ARL15: variants seen among roughly 807,000 people sequenced by gnomAD.
The protein encoded by ARL15 is ADP-ribosylation factor-like protein 15.
A neutral mutation model predicts 25.2 loss-of-function variants in ARL15; 19 were observed. That is an observed-to-expected ratio of 0.75 (90% confidence interval 0.53 to 1.10). The LOEUF (loss-of-function observed/expected upper bound fraction) is 1.10, where lower values mean the gene tolerates loss of function less well. Among genes scored for constraint, ARL15 ranks in the 50% least tolerant of loss-of-function variants. The pLI is 0.00. For synonymous variants in ARL15, 94 were observed against 86.8 expected, an observed-to-expected ratio of 1.08 and a Z score of -0.46; for missense variants, 220 against 246.0, an observed-to-expected ratio of 0.89 and a Z score of 0.71.
At chr5:53,937,294 T>TACACACACACACACAC (rs10647066) in intron 4 of ARL15, among the ~76,000 whole-genome samples, 1 of 149,560 alleles carries the variant, frequency 6.7e-6, no homozygotes, top group Non-Finnish European at 1.5e-5. Context: ...CGCCTGCGCA[T>TACACACACACACACAC]ACACACACAC....
intron 3 of ARL15, among the ~76,000 whole-genome samples, chr5:54,149,262 A>G (rs1307054710): frequency 6.6e-6 from 1 of 152,212 alleles, no homozygotes; most frequent in Admixed American, 6.5e-5. Flanking sequence ...ATCATTTGAT[A>G]TTAACGCACG....
At chr5:54,250,336 A>T (rs1033938155) in intron 1 of ARL15, among the ~76,000 whole-genome samples, 1 of 152,154 alleles carries the variant, frequency 6.6e-6, no homozygotes, top group African/African-American at 2.4e-5. Context: ...TCAACATGAG[A>T]CTTGGGGGGA....
chr5:53,904,738 C>CTT (rs35684823), intron 4 of ARL15, among the ~76,000 whole-genome samples: 4,458 of 126,106 alleles, frequency 0.035, 306 homozygotes, highest in African/African-American at 0.1. Flanking sequence ...TTTTTAGTTC[C>CTT]TTTTTTTTTT....
chr5:54,017,527 C>T (rs1032424964), intron 4 of ARL15, among the ~76,000 whole-genome samples: 1 of 150,958 alleles, frequency 6.6e-6, no homozygotes, highest in African/African-American at 2.4e-5. Flanking sequence ...GACATTCCCA[C>T]ACCACCCAGA....
At chr5:53,964,419 G>A (rs1159283886) in intron 4 of ARL15, among the ~76,000 whole-genome samples, 1 of 152,002 alleles carries the variant, frequency 6.6e-6, no homozygotes, top group African/African-American at 2.4e-5. Context: ...GAGTGCAGTG[G>A]CGTGATCTCG....
chr5:54,091,633 G>A (rs1312483735), intron 4 of ARL15, among the ~76,000 whole-genome samples: 1 of 152,138 alleles, frequency 6.6e-6, no homozygotes, highest in African/African-American at 2.4e-5. Context: ...GAAGCTAACT[G>A]TTCCCCAGGT....
intron 4 of ARL15, among the ~76,000 whole-genome samples, chr5:54,059,111 T>A (rs949137476): frequency 7.2e-5 from 11 of 152,170 alleles, no homozygotes; most frequent in African/African-American, 2.4e-4. Context: ...ATATAAACCC[T>A]CCTATTTTTC....
At chr5:54,291,235 T>C (rs562135621) in intron 1 of ARL15, among the ~76,000 whole-genome samples, 2 of 152,330 alleles carry the variant, frequency 1.3e-5, no homozygotes, top group South Asian at 4.1e-4. Context: ...CTTCAATAAG[T>C]GGTCCTCAGA....
At chr5:53,996,270 C>T (rs1039495293) in intron 4 of ARL15, among the ~76,000 whole-genome samples, 12 of 152,138 alleles carry the variant, frequency 7.9e-5, no homozygotes, top group Non-Finnish European at 8.8e-5. Flanking sequence ...CTCTGGTTGA[C>T]GAAATGCGAG....
intron 1 of ARL15, among the ~76,000 whole-genome samples, chr5:54,304,909 A>G (rs371716615): frequency 6.6e-6 from 1 of 152,090 alleles, no homozygotes; most frequent in African/African-American, 2.4e-5. Flanking sequence ...TGAAATCACA[A>G]ATGTACCTTC....
intron 4 of ARL15, among the ~76,000 whole-genome samples, chr5:53,948,347 T>C (rs908210451): frequency 6.6e-6 from 1 of 152,362 alleles, no homozygotes; most frequent in South Asian, 2.1e-4. Flanking sequence ...ATGGTTCTTT[T>C]GGTCTTCTAT....
chr5:54,238,825 A>C (rs1263612573), intron 1 of ARL15, among the ~76,000 whole-genome samples: 2 of 152,182 alleles, frequency 1.3e-5, no homozygotes, highest in Non-Finnish European at 2.9e-5. Context: ...GGGTAGACTG[A>C]CTCTGTCAAA....
intron 4 of ARL15, among the ~76,000 whole-genome samples, chr5:53,956,120 T>G (rs1014337606): frequency 2.6e-5 from 4 of 151,932 alleles, no homozygotes; most frequent in African/African-American, 9.7e-5. Context: ...GAGATTTTCT[T>G]CCCCCCACCC....
At chr5:54,208,284 C>T (rs972249153) in intron 1 of ARL15, among the ~76,000 whole-genome samples, 15 of 151,988 alleles carry the variant, frequency 9.9e-5, no homozygotes, top group Admixed American at 4.6e-4. Flanking sequence ...AACTGCCAGG[C>T]GTCTAAGAAG....
At chr5:53,932,077 T>C (rs540524553) in intron 4 of ARL15, among the ~76,000 whole-genome samples, 1 of 152,308 alleles carries the variant, frequency 6.6e-6, no homozygotes, top group Admixed American at 6.5e-5. Flanking sequence ...GGTCTGAAAA[T>C]TTAGTATTGT....
chr5:53,962,138 A>G (rs1747390277), intron 4 of ARL15, among the ~76,000 whole-genome samples: 1 of 152,180 alleles, frequency 6.6e-6, no homozygotes, highest in African/African-American at 2.4e-5. Context: ...TGCATTTACA[A>G]TGTTGACAGG....
rs1280419543 is a variant in ARL15, at chr5:54,183,204, G to C, written c.49-11276C>G. Among the ~76,000 whole-genome samples, 112 of 83,720 alleles carry C rather than the reference G, an allele frequency of 1.3e-3. 21 individuals carry two copies. The highest frequency in any genetic ancestry group is 4.4e-3 in the African/African-American group (108 of 24,718). The allele number at this position is 83,720 out of a possible 152,430, so 54.9% of individuals were successfully genotyped here. A position where few individuals can be genotyped will look rare whatever the true frequency, so the allele number is the denominator to read the frequency against. ...ACACTATGTTGAATAGGAGCGGTGA[G>C]AGAGGGTATCCCTGTCTTGTGCCAG... On this transcript the variant is annotated intron_variant, in intron 1 of 4. Coordinates refer to ENST00000504924, the MANE Select transcript of ARL15 (RefSeq NM_019087.3).
chr5:54,308,179 G>A (rs1330705515), intron 1 of ARL15, among the ~76,000 whole-genome samples: 1 of 152,180 alleles, frequency 6.6e-6, no homozygotes, highest in Non-Finnish European at 1.5e-5. Context: ...CCTCGGGAGG[G>A]CTAGTTTTTT....
intron 1 of ARL15, among the ~76,000 whole-genome samples, chr5:54,194,729 T>C (rs1428246312): frequency 6.6e-6 from 1 of 152,192 alleles, no homozygotes; most frequent in East Asian, 1.9e-4. Flanking sequence ...CACAGGGTTT[T>C]GACTTTTAAA....
Sources: allele counts gnomAD v4.1 joint callset (sites outside exome capture counted in the v4.1 genomes callset), GRCh38; gene constraint gnomAD v4.1.1; transcripts MANE v1.5; gene names NCBI Gene and HGNC (gene_info 2026-07-23, HGNC 2026-07-21).